C4orf50: variants seen among roughly 807,000 people sequenced by gnomAD.
C4orf50 encodes the protein chromosome 4 open reading frame 50.
In C4orf50, 80 loss-of-function variants were observed where a neutral mutation model predicts 77.2. The ratio of observed to expected loss-of-function variants is 1.04; its 90% CI spans 0.87 to 1.25. The LOEUF (loss-of-function observed/expected upper bound fraction) is 1.25, where lower values mean the gene tolerates loss of function less well. C4orf50 is among the 50% of genes most tolerant of loss of function. C4orf50 has a pLI of 0.00. For synonymous variants in C4orf50, 532 were observed against 465.3 expected, an observed-to-expected ratio of 1.14 and a Z score of -1.84; for missense variants, 1,257 against 1,152.9, an observed-to-expected ratio of 1.09 and a Z score of -1.31.
intron 7 of C4orf50, among the ~76,000 whole-genome samples, chr4:5,949,237 A>G (rs1031208012): frequency 2.6e-5 from 4 of 152,198 alleles, no homozygotes; most frequent in Non-Finnish European, 5.9e-5. Flanking sequence ...GCAAGAAAAT[A>G]AAAAGAGAAG....
chr4:5,947,713 GGCCTCATCCAGGCTGTA>G (rs1384618107), intron 7 of C4orf50, among the ~76,000 whole-genome samples: 1 of 152,046 alleles, frequency 6.6e-6, no homozygotes, highest in African/African-American at 2.4e-5. Context: ...CCCTGGATGT[GGCCTCATCCAGGCTGTA>G]GCCTAACACT....
At chr4:5,980,367 G>GT in intron 28 of C4orf50, 29 bp from the exon 7 acceptor site, 1 of 1,600,604 alleles carries the variant, frequency 6.2e-7, no homozygotes, top group Non-Finnish European at 8.5e-7. Flanking sequence ...TGAATGAAAT[G>GT]TTTAGGTTAT....
At chr4:6,014,051 G>A (rs1331275128) in intron 23 of C4orf50, among the ~76,000 whole-genome samples, 1 of 151,056 alleles carries the variant, frequency 6.6e-6, no homozygotes, top group Non-Finnish European at 1.5e-5. Flanking sequence ...TGCCCAGGCT[G>A]GAGTGCAATG....
At chr4:5,965,785 T>C (rs1175626016) in intron 32 of C4orf50, among the ~76,000 whole-genome samples, 1 of 152,212 alleles carries the variant, frequency 6.6e-6, no homozygotes, top group Non-Finnish European at 1.5e-5. Context: ...TCCTGCTATG[T>C]GCCAGGGTCC....
chr4:5,972,342 C>T (rs891847329), intron 31 of C4orf50, among the ~76,000 whole-genome samples: 3 of 152,124 alleles, frequency 2.0e-5, no homozygotes, highest in African/African-American at 7.2e-5. Flanking sequence ...AGATATCAGG[C>T]CCCTAGTGGA....
At chr4:5,941,130 C>A (rs1055647174) in intron 7 of C4orf50, among the ~76,000 whole-genome samples, 2 of 152,190 alleles carry the variant, frequency 1.3e-5, no homozygotes, top group Admixed American at 1.3e-4. Context: ...AATTTATCTT[C>A]TTTCTTCTAA....
At chr4:5,981,426 T>C (rs1720579349) in intron 28 of C4orf50, among the ~76,000 whole-genome samples, 1 of 139,598 alleles carries the variant, frequency 7.2e-6, no homozygotes, top group Admixed American at 7.9e-5. Context: ...TTTTTTGAGA[T>C]GGAGTTTCGC....
downstream of C4orf50, among the ~76,000 whole-genome samples, chr4:5,953,212 C>T (rs562286062): frequency 6.6e-6 from 1 of 152,290 alleles, no homozygotes; most frequent in South Asian, 2.1e-4. Context: ...TGAAGCAAAG[C>T]CTCCCAGCTG....
At chr4:5,914,205 GTTTTTTTTTTTT>G (rs1207974269) in intron 7 of C4orf50, among the ~76,000 whole-genome samples, 32 of 78,164 alleles carry the variant, frequency 4.1e-4, no homozygotes, top group African/African-American at 1.2e-3. Context: ...TTTTATGGGT[GTTTTTTTTTTTT>G]TTTTTTTTTT....
chr4:5,909,275 A>G (rs867827649), intron 7 of C4orf50, among the ~76,000 whole-genome samples: 1 of 152,324 alleles, frequency 6.6e-6, no homozygotes, highest in Middle Eastern at 3.4e-3. Flanking sequence ...GACCACCAAA[A>G]GCAGGGTTCG....
chr4:5,907,918 G>C (rs924848718), intron 7 of C4orf50, among the ~76,000 whole-genome samples: 3 of 152,166 alleles, frequency 2.0e-5, no homozygotes, highest in African/African-American at 7.2e-5. Flanking sequence ...ATGAGGCAGA[G>C]GAGAGTACTC....
intron 7 of C4orf50, among the ~76,000 whole-genome samples, chr4:5,928,569 T>C (rs565808395): frequency 4.2e-4 from 64 of 152,288 alleles, no homozygotes; most frequent in African/African-American, 1.5e-3. Context: ...CCCATGAGGC[T>C]CTGGAGGAAG....
At chr4:5,943,865 C>T (rs1177590489) in intron 7 of C4orf50, among the ~76,000 whole-genome samples, 1 of 152,194 alleles carries the variant, frequency 6.6e-6, no homozygotes, top group Non-Finnish European at 1.5e-5. Flanking sequence ...CGACGAATTC[C>T]TTTTGAGAGT....
intron 7 of C4orf50, among the ~76,000 whole-genome samples, chr4:5,910,504 T>G (rs1040902369): frequency 1.3e-4 from 20 of 152,340 alleles, no homozygotes; most frequent in African/African-American, 4.6e-4. Flanking sequence ...AATTGTGGTG[T>G]TTTTAATTAA....
chr4:5,973,815 C>G lies in C4orf50; in HGVS notation c.3948G>C (p.Lys1316Asn), dbSNP rs1467131792. 7 of 1,612,738 alleles carry G rather than the reference C, an allele frequency of 4.3e-6. No individual in the cohort carries two copies. In the Admixed American group the frequency reaches 1.0e-4, roughly 23 times the overall value. ...TGATCAGGCGGTTCCTCTCCCGGCA[C>G]TTCCGGACGAGGGAAGCTATCTTGG... is the stretch of plus-strand genomic sequence containing the variant. Residue 1316 changes from lysine (K) to asparagine (N), a missense_variant, in exon 31 of 34, where the codon AAG becomes AAC. Physicochemically the swap from Lys to Asn is moderately conservative, Grantham distance 94 (BLOSUM62 0). Coordinates refer to ENST00000531445, the Ensembl canonical transcript of C4orf50.
At chr4:5,923,081 A>G (rs1045762972) in intron 7 of C4orf50, among the ~76,000 whole-genome samples, 2 of 152,204 alleles carry the variant, frequency 1.3e-5, no homozygotes, top group African/African-American at 2.4e-5. Flanking sequence ...ACTTTCCTGG[A>G]GTAGACGCGA....
At chr4:6,004,185 AT>A (rs1722064326) in intron 25 of C4orf50, among the ~76,000 whole-genome samples, 1 of 150,060 alleles carries the variant, frequency 6.7e-6, no homozygotes. Context: ...GATGATGGTG[AT>A]GGTGATGATG....
intron 7 of C4orf50, among the ~76,000 whole-genome samples, chr4:5,950,190 A>G (rs1274541784): frequency 1.3e-5 from 2 of 152,168 alleles, no homozygotes; most frequent in Non-Finnish European, 2.9e-5. Context: ...TAACATTCTG[A>G]TTCAAACAAA....
At chr4:5,942,496 C>T (rs1718310157) in intron 7 of C4orf50, among the ~76,000 whole-genome samples, 1 of 152,076 alleles carries the variant, frequency 6.6e-6, no homozygotes, top group African/African-American at 2.4e-5. Context: ...TGGAAAATGC[C>T]CAGCACAAAG....
Sources: allele counts gnomAD v4.1 joint callset (sites outside exome capture counted in the v4.1 genomes callset), GRCh38; gene constraint gnomAD v4.1.1; transcripts MANE v1.5; gene names NCBI Gene and HGNC (gene_info 2026-07-23, HGNC 2026-07-21).